Variants in DENND5A observed in about 807,000 individuals in gnomAD.
DENND5A encodes DENN domain-containing protein 5A.
Under a neutral mutation model 140.3 loss-of-function variants are expected in DENND5A, and 64 were observed. The observed-to-expected ratio is 0.46, with a 90% CI of 0.37 to 0.56. The LOEUF (loss-of-function observed/expected upper bound fraction) is 0.56, where lower values mean the gene tolerates loss of function less well. DENND5A is among the 20% of genes least tolerant of loss of function. The probability of loss-of-function intolerance (pLI) is 0.00; values close to 1 mark genes in which losing one functional copy is unlikely to be tolerated. For synonymous variants in DENND5A, 605 were observed against 607.7 expected, an observed-to-expected ratio of 1.00 and a Z score of 0.07; for missense variants, 1,292 against 1,593.8, an observed-to-expected ratio of 0.81 and a Z score of 3.22.
intron 1 of DENND5A, among the ~76,000 whole-genome samples, chr11:9,221,418 A>G (rs1464299362): frequency 6.6e-6 from 1 of 151,130 alleles, no homozygotes; most frequent in Non-Finnish European, 1.5e-5. Context: ...ATGACAGAGC[A>G]AGACTCCATC....
At chr11:9,258,885 G>T (rs142783463) in intron 1 of DENND5A, among the ~76,000 whole-genome samples, 14 of 152,264 alleles carry the variant, frequency 9.2e-5, no homozygotes, top group African/African-American at 3.4e-4. Flanking sequence ...TACAGTCAAG[G>T]AGGAGTATGA....
chr11:9,204,339 C>G, intron 3 of DENND5A, 22 bp from the exon 4 acceptor site: 13 of 1,597,730 alleles, frequency 8.1e-6, no homozygotes, highest in Non-Finnish European at 1.1e-5. Context: ...AACAAGGCAA[C>G]AAGCAGTGAG....
At chr11:9,215,092 A>G (rs572363419) in intron 1 of DENND5A, among the ~76,000 whole-genome samples, 1 of 152,308 alleles carries the variant, frequency 6.6e-6, no homozygotes, top group African/African-American at 2.4e-5. Flanking sequence ...AGGCTTTTCA[A>G]TGTAAATTTA....
chr11:9,242,084 C>A (rs1311408190), intron 1 of DENND5A, among the ~76,000 whole-genome samples: 1 of 151,310 alleles, frequency 6.6e-6, no homozygotes, highest in Non-Finnish European at 1.5e-5. Flanking sequence ...ATCCCATTAA[C>A]CCTGTTTACT....
intron 5 of DENND5A, among the ~76,000 whole-genome samples, chr11:9,192,899 A>T (rs1398358143): frequency 6.6e-6 from 1 of 152,264 alleles, no homozygotes; most frequent in African/African-American, 2.4e-5. Flanking sequence ...AATCTACTTT[A>T]GAATGGAATA....
At chr11:9,214,528 T>C (rs939486563) in intron 1 of DENND5A, among the ~76,000 whole-genome samples, 1 of 152,232 alleles carries the variant, frequency 6.6e-6, no homozygotes, top group Non-Finnish European at 1.5e-5. Context: ...TTATCTCTTC[T>C]TCACATGAAA....
intron 1 of DENND5A, among the ~76,000 whole-genome samples, chr11:9,229,009 A>G (rs905096004): frequency 2.0e-5 from 3 of 152,224 alleles, no homozygotes; most frequent in Middle Eastern, 3.2e-3. Flanking sequence ...GGTTGGTCAA[A>G]GTACAGACGG....
intron 11 of DENND5A, among the ~76,000 whole-genome samples, chr11:9,164,781 A>G (rs577407022): frequency 2.6e-4 from 40 of 152,306 alleles, no homozygotes; most frequent in South Asian, 8.3e-4. Context: ...CTGCAAATAC[A>G]TAAGACTAAT....
chr11:9,233,464 T>C (rs1160888328), intron 1 of DENND5A, among the ~76,000 whole-genome samples: 1 of 150,684 alleles, frequency 6.6e-6, no homozygotes, highest in Non-Finnish European at 1.5e-5. Flanking sequence ...GGTTGAATGG[T>C]GGCCCCAAAA....
In DENND5A at chr11:9,188,134, G is replaced by A. The variant is rs770927304; in HGVS notation, c.1137+5360C>T. Among the ~76,000 whole-genome samples, 115 of 152,168 alleles carry A rather than the reference G, an allele frequency of 7.6e-4. 1 individual carries two copies. Among genetic ancestry groups the A allele is most frequent in the Admixed American group, 1.2e-3 (18 of 15,274 alleles). On this transcript the variant is annotated intron_variant, in intron 5 of 22. Transcript: ENST00000328194. ...CAGTGGGGGATAGTTGAATCATGGC[G>A]GCAGGTCTTTCCCATACTGTTCTTG...
intron 5 of DENND5A, among the ~76,000 whole-genome samples, chr11:9,190,146 C>G (rs1849066957): frequency 6.6e-6 from 1 of 152,112 alleles, no homozygotes; most frequent in East Asian, 1.9e-4. Context: ...AAGTAACTAA[C>G]TTGCTTTTGA....
chr11:9,162,863 AT>A (rs61181938), intron 11 of DENND5A, among the ~76,000 whole-genome samples: 1,579 of 136,908 alleles, frequency 0.012, 14 homozygotes, highest in African/African-American at 0.029. Context: ...TTCTTTTGTG[AT>A]TTTTTTTTTT....
At chr11:9,140,453 G>C (rs1036727692) in intron 22 of DENND5A, among the ~76,000 whole-genome samples, 13 of 152,076 alleles carry the variant, frequency 8.5e-5, no homozygotes, top group African/African-American at 3.1e-4. Context: ...ACTGCCTTAA[G>C]TTTATTTGAG....
chr11:9,207,518 C>A, intron 2 of DENND5A, 43 bp downstream of exon 2: 1 of 1,433,686 alleles, frequency 7.0e-7, no homozygotes. Flanking sequence ...ATGTAAGAAC[C>A]ATTAGAAAGC....
intron 1 of DENND5A, among the ~76,000 whole-genome samples, chr11:9,260,828 G>GT (rs916561959): frequency 6.6e-6 from 1 of 152,046 alleles, no homozygotes; most frequent in African/African-American, 2.4e-5. Flanking sequence ...GCTTATTTGG[G>GT]TTTTTTTATT....
intron 1 of DENND5A, among the ~76,000 whole-genome samples, chr11:9,257,689 A>G (rs186929022): frequency 5.3e-5 from 8 of 150,976 alleles, no homozygotes; most frequent in African/African-American, 1.5e-4. Context: ...TCACCGTGTT[A>G]GCCAGGATAG....
In DENND5A at chr11:9,204,278, C is replaced by T. The variant is rs924346711; in HGVS notation, c.331G>A (p.Asp111Asn). The part of the protein sequence containing the change: ...PKGLAFKTQA[D>N]PREPQFHAFI... ...GCATGGAATTGGGGCTCCCTGGGAT[C>T]AGCCTGGGTCTTGAATGCCAGCCCT... is the stretch of plus-strand genomic sequence containing the variant. The change falls in exon 4 of 23, where the codon GAT (aspartate) becomes AAT (asparagine). Residue 111 changes from aspartate to asparagine, a missense_variant. Around this residue, in one of 4 missense-constraint regions of DENND5A, gnomAD observed 566 missense variants for 650.4 expected, o/e 0.87. Transcript: ENST00000328194. The T allele has an allele frequency of 3.7e-6, 6 of 1,613,420 alleles. No homozygotes were observed. Among genetic ancestry groups the T allele is most frequent in the Admixed American group, 1.7e-5 (1 of 60,008 alleles).
chr11:9,237,049 A>C (rs866231839), intron 1 of DENND5A, among the ~76,000 whole-genome samples: 42 of 152,332 alleles, frequency 2.8e-4, no homozygotes, highest in Middle Eastern at 3.4e-3. Flanking sequence ...CTGAACAGAC[A>C]ATTCATAGAA....
Position 9,160,717 on chromosome 11 carries a change from T to C in DENND5A, c.2432A>G (p.Lys811Arg). Residue 811 changes from lysine (K) to arginine (R), a missense_variant, in exon 12 of 23, where the codon AAA (lysine) becomes AGA (arginine). Lys to Arg is a conservative substitution (Grantham distance 26). Transcript: ENST00000328194. ...GAGAGGCAAGACATACATTACCTGT[T>C]TCACTTGTAGTCCATGACTCCAGAT... ...ERIWSHGLQV[K>R]QGKSALWSHL... The C allele has an allele frequency of 6.2e-7, 1 of 1,610,722 alleles. No individual in the cohort carries two copies. The highest frequency in any genetic ancestry group is 8.5e-7 in the Non-Finnish European group (1 of 1,177,418).
Sources: allele counts gnomAD v4.1 joint callset (sites outside exome capture counted in the v4.1 genomes callset), GRCh38; gene constraint gnomAD v4.1.1; regional missense constraint gnomAD v4.1.1; transcripts MANE v1.5; gene names NCBI Gene and HGNC (gene_info 2026-07-23, HGNC 2026-07-21).